Variants in STARD13 observed in about 807,000 individuals in gnomAD.
The protein encoded by STARD13 is stAR-related lipid transfer protein 13.
A neutral mutation model predicts 106.4 loss-of-function variants in STARD13; 62 were observed. That is an observed-to-expected ratio of 0.58 (90% CI 0.48 to 0.72). The LOEUF (loss-of-function observed/expected upper bound fraction) is 0.72, where lower values mean the gene tolerates loss of function less well. Ranked by LOEUF, STARD13 falls within the 30% of genes least tolerant of loss-of-function variation. The probability of loss-of-function intolerance (pLI) is 0.00; values close to 1 mark genes in which losing one functional copy is unlikely to be tolerated. For synonymous variants in STARD13, 565 were observed against 553.0 expected, an observed-to-expected ratio of 1.02 and a Z score of -0.31; for missense variants, 1,387 against 1,424.0, an observed-to-expected ratio of 0.97 and a Z score of 0.42.
chr13:33,676,164 C>A, the STARD13 span, among the ~76,000 whole-genome samples: 6 of 152,184 alleles, frequency 3.9e-5, no homozygotes, highest in Admixed American at 3.9e-4. Context: ...TTTTTCACAT[C>A]TTACAGAGCA....
the STARD13 span, among the ~76,000 whole-genome samples, chr13:33,429,956 T>C: frequency 0.3 from 44,797 of 150,214 alleles, 7,444 homozygotes; most frequent in Non-Finnish European, 0.38. Flanking sequence ...CTCGCTCTGT[T>C]GCCCAGGCTG....
At chr13:33,382,058 C>T in the STARD13 span, among the ~76,000 whole-genome samples, 15 of 152,286 alleles carry the variant, frequency 9.8e-5, no homozygotes, top group African/African-American at 2.6e-4. Context: ...CTAGCGCAAA[C>T]GCATAGACCA....
intron 1 of STARD13, among the ~76,000 whole-genome samples, chr13:33,330,057 T>C (rs964011044): frequency 5.9e-5 from 9 of 152,206 alleles, no homozygotes; most frequent in Non-Finnish European, 4.4e-5. Flanking sequence ...TGTTTCCATA[T>C]GTTGACTATC....
At chr13:33,199,020 C>G (rs969112961) in intron 1 of STARD13, among the ~76,000 whole-genome samples, 1 of 152,214 alleles carries the variant, frequency 6.6e-6, no homozygotes, top group African/African-American at 2.4e-5. Context: ...TATAGTCACG[C>G]TGAGGTTCAC....
chr13:33,200,326 C>T (rs991992551), intron 1 of STARD13, among the ~76,000 whole-genome samples: 1 of 152,200 alleles, frequency 6.6e-6, no homozygotes, highest in Non-Finnish European at 1.5e-5. Flanking sequence ...ATGACCTATT[C>T]GTCCCTGTGC....
the STARD13 span, among the ~76,000 whole-genome samples, chr13:33,458,750 G>A: frequency 2.6e-5 from 4 of 151,530 alleles, no homozygotes; most frequent in East Asian, 1.9e-4. Flanking sequence ...AAATGTGTCC[G>A]GATTTCAGAC....
chr13:33,367,381 C>G, the STARD13 span, among the ~76,000 whole-genome samples: 2 of 152,046 alleles, frequency 1.3e-5, no homozygotes, highest in African/African-American at 2.4e-5. Flanking sequence ...AACAGTTAAT[C>G]AATGACACAT....
At chr13:33,650,164 ATTTTTTTTTTTTTT>A in the STARD13 span, among the ~76,000 whole-genome samples, 40 of 48,374 alleles carry the variant, frequency 8.3e-4, 1 homozygote, top group African/African-American at 2.1e-3. Context: ...CGTGACTCCA[ATTTTTTTTTTTTTT>A]TTTTTTTTTT....
chr13:33,130,048 C>T lies in STARD13; in HGVS notation c.629G>A (p.Ser210Asn). The T allele has an allele frequency of 1.9e-6, 3 of 1,613,706 alleles. No homozygotes were observed. The highest frequency in any genetic ancestry group is 2.5e-6 in the Non-Finnish European group (3 of 1,179,912). ...GTCTGTACAGCACTGGCCCGGCTGG[C>T]TGCGACTGTCGCTGCCTCCACTGCT... ...SESSGGSDSR[S>N]QPGQCCTDNP... Residue 210 changes from serine (S) to asparagine (N), a missense_variant, in exon 5 of 14, where the codon AGC becomes AAC. By Grantham distance (46) the Ser-to-Asn change is conservative (BLOSUM62 1). Coordinates refer to ENST00000336934, the MANE Select transcript of STARD13 (RefSeq NM_178006.4). The surrounding 1 kb of genome is among the most constrained non-coding windows in gnomAD (Gnocchi z 4.1).
chr13:33,427,109 T>A, the STARD13 span, among the ~76,000 whole-genome samples: 2 of 152,216 alleles, frequency 1.3e-5, no homozygotes, highest in Admixed American at 6.5e-5. Context: ...AAATTAAAAG[T>A]TTCCATTTAT....
the STARD13 span, among the ~76,000 whole-genome samples, chr13:33,561,539 T>C: frequency 6.6e-6 from 1 of 151,556 alleles, no homozygotes; most frequent in African/African-American, 2.4e-5. Context: ...TCTTTAGATA[T>C]GTGTTACAAA....
At chr13:33,340,832 C>A (rs1337712611) in intron 1 of STARD13, among the ~76,000 whole-genome samples, 1 of 152,208 alleles carries the variant, frequency 6.6e-6, no homozygotes, top group Non-Finnish European at 1.5e-5. Context: ...AAGCTTGCTT[C>A]ATTTCTGGTC....
At chr13:33,415,692 C>T in the STARD13 span, among the ~76,000 whole-genome samples, 7 of 151,918 alleles carry the variant, frequency 4.6e-5, no homozygotes, top group Non-Finnish European at 8.8e-5. Context: ...GTTTCATAAA[C>T]ACCTTTATAA....
In STARD13 at chr13:33,127,621, G is replaced by T. The variant is rs1409652083; in HGVS notation, c.1749-75C>A. ...GCGGGAAACACGGGACATCACCAAG[G>T]TACACGCAGCTAATCAAGATAGCAG... On this transcript the variant is annotated intron_variant, in intron 5 of 13. Transcript: ENST00000336934. 5 of 1,410,144 alleles carry T rather than the reference G, an allele frequency of 3.5e-6. No homozygotes were observed. The African/African-American group carries it at 7.4e-5, about 21-fold the overall frequency. The allele number at this position is 1,410,144 out of a possible 1,614,324, so 87.4% of individuals were successfully genotyped here.
intron 1 of STARD13, among the ~76,000 whole-genome samples, chr13:33,267,465 C>T (rs751680003): frequency 3.9e-5 from 6 of 152,162 alleles, no homozygotes; most frequent in South Asian, 4.1e-4. Context: ...CACAGATGTC[C>T]GTTCCCGCAC....
At chr13:33,521,562 T>C in the STARD13 span, among the ~76,000 whole-genome samples, 1 of 152,048 alleles carries the variant, frequency 6.6e-6, no homozygotes, top group East Asian at 1.9e-4. Flanking sequence ...CATGTTACCA[T>C]CTTGGAAGGA....
intron 4 of STARD13, among the ~76,000 whole-genome samples, chr13:33,134,799 A>G (rs963282483): frequency 6.6e-6 from 1 of 152,244 alleles, no homozygotes; most frequent in African/African-American, 2.4e-5. Flanking sequence ...AATTTCATAA[A>G]AGTAAAATAT....
At chr13:33,180,193 G>T (rs1407905329) in intron 1 of STARD13, among the ~76,000 whole-genome samples, 6 of 152,194 alleles carry the variant, frequency 3.9e-5, no homozygotes, top group Non-Finnish European at 1.5e-5. Flanking sequence ...TGACACTTTG[G>T]ATATGTGACA....
At chr13:33,197,389 G>A (rs976133676) in intron 1 of STARD13, among the ~76,000 whole-genome samples, 1 of 150,212 alleles carries the variant, frequency 6.7e-6, no homozygotes, top group Non-Finnish European at 1.5e-5. Flanking sequence ...TGTGAATTGA[G>A]TTATCTCTAT....
Sources: allele counts gnomAD v4.1 joint callset (sites outside exome capture counted in the v4.1 genomes callset), GRCh38; gene constraint gnomAD v4.1.1; non-coding constraint Gnocchi (gnomAD v3.1); transcripts MANE v1.5; gene names NCBI Gene and HGNC (gene_info 2026-07-23, HGNC 2026-07-21).